Variants in FNDC3B observed in about 807,000 individuals in gnomAD.
FNDC3B encodes the protein fibronectin type III domain containing 3B.
FNDC3B carries 12 observed loss-of-function variants against 151.5 expected under a neutral mutation model. The ratio of observed to expected loss-of-function variants is 0.08; its 90% confidence interval spans 0.05 to 0.13. FNDC3B has a LOEUF of 0.13. Among genes scored for constraint, FNDC3B ranks in the 10% least tolerant of loss-of-function variants. The probability of loss-of-function intolerance (pLI) is 1.00; values close to 1 mark genes in which losing one functional copy is unlikely to be tolerated. For synonymous variants in FNDC3B, 528 were observed against 549.0 expected (o/e 0.96, Z 0.54); for missense variants, 1,214 against 1,505.3 (o/e 0.81, Z 3.20).
At chr3:172,181,452 C>G (rs1723901034) in intron 3 of FNDC3B, among the ~76,000 whole-genome samples, 1 of 147,120 alleles carries the variant, frequency 6.8e-6, no homozygotes, top group African/African-American at 2.5e-5. Flanking sequence ...GTCTTGTGGT[C>G]AAGTAGAATG....
intron 5 of FNDC3B, 115 bp from the exon 6 acceptor site, chr3:172,251,145 C>T: frequency 1.2e-6 from 1 of 832,728 alleles, no homozygotes; most frequent in Non-Finnish European, 1.9e-6. Flanking sequence ...TTTAGTAATA[C>T]TTTAGACTTC....
rs1031367066 is a variant in FNDC3B, at chr3:172,400,547, T to A, written c.*3072T>A. ...AAATCATGTTTTCCTGTATTGTAAA[T>A]TTTAGACTATTTCATATACATTGTA... is the stretch of plus-strand genomic sequence containing the variant. On this transcript the variant is annotated 3_prime_UTR_variant, in exon 26 of 26. Transcript: ENST00000415807. 2 of 152,638 alleles carry A rather than the reference T, an allele frequency of 1.3e-5. No homozygotes were observed. Among genetic ancestry groups the A allele is most frequent in the African/African-American group, 4.8e-5 (2 of 41,466 alleles). 9.5% of individuals were successfully genotyped at this position (152,638 alleles called of 1,614,324 possible).
chr3:172,050,700 C>CATGT (rs1175743914), intron 1 of FNDC3B, among the ~76,000 whole-genome samples: 1 of 144,994 alleles, frequency 6.9e-6, no homozygotes, highest in African/African-American at 2.6e-5. Context: ...GGTATATTTT[C>CATGT]GTGTGTGTGT....
At chr3:172,239,803 A>AT (rs1344079194) in intron 4 of FNDC3B, among the ~76,000 whole-genome samples, 1 of 148,946 alleles carries the variant, frequency 6.7e-6, no homozygotes, top group East Asian at 1.9e-4. Context: ...AAAAAAGCAA[A>AT]TAACAACAAC....
chr3:172,207,951 A>G (rs932163463), intron 3 of FNDC3B, among the ~76,000 whole-genome samples: 2 of 151,336 alleles, frequency 1.3e-5, no homozygotes, highest in Admixed American at 1.3e-4. Context: ...CCACCTCAAA[A>G]AATAAAAAAA....
intron 4 of FNDC3B, among the ~76,000 whole-genome samples, chr3:172,230,852 T>C (rs1276271454): frequency 2.6e-5 from 4 of 152,246 alleles, no homozygotes; most frequent in Admixed American, 1.3e-4. Context: ...GAATACACTG[T>C]ATGTGTTAAT....
chr3:172,338,503 C>T (rs2108300870), intron 16 of FNDC3B, among the ~76,000 whole-genome samples: 1 of 152,144 alleles, frequency 6.6e-6, no homozygotes, highest in South Asian at 2.1e-4. Flanking sequence ...GTCTTTCCAA[C>T]TTCATTGTCA....
At chr3:172,214,417 T>C (rs1187393267) in intron 3 of FNDC3B, among the ~76,000 whole-genome samples, 1 of 152,198 alleles carries the variant, frequency 6.6e-6, no homozygotes, top group Non-Finnish European at 1.5e-5. Context: ...CAAGACACTT[T>C]TGTAAAGTTA....
rs370815165 is a variant in FNDC3B at position 172,247,608 on chromosome 3, C to G, written c.340C>G (p.Pro114Ala). 1 of 1,614,092 alleles carries G rather than the reference C, an allele frequency of 6.2e-7. No individual in the cohort carries two copies. Among genetic ancestry groups the G allele is most frequent in the Non-Finnish European group, 8.5e-7 (1 of 1,180,000 alleles). ...QSPECYPPSY[P>A]SAMSPTHHLP... Reference sequence around the variant, plus strand: ...TCCTGAGTGTTATCCCCCAAGCTACCCCTCAGCCATGTCTCCAACCCATCA... The same window carrying G: ...TCCTGAGTGTTATCCCCCAAGCTACGCCTCAGCCATGTCTCCAACCCATCA... The change falls in exon 5 of 26, where the codon CCC becomes GCC. Residue 114 changes from proline to alanine, a missense_variant. Transcript: ENST00000415807.
chr3:172,203,897 A>G (rs535997735), intron 3 of FNDC3B, among the ~76,000 whole-genome samples: 7 of 152,290 alleles, frequency 4.6e-5, no homozygotes, highest in African/African-American at 1.7e-4. Flanking sequence ...CATAGCTTCT[A>G]AGAAAGCCGT....
intron 3 of FNDC3B, among the ~76,000 whole-genome samples, chr3:172,179,147 C>T (rs952572256): frequency 2.0e-5 from 3 of 152,042 alleles, no homozygotes; most frequent in East Asian, 1.9e-4. Context: ...CTGCAAAGTC[C>T]GCCTCCCAGG....
intron 3 of FNDC3B, among the ~76,000 whole-genome samples, chr3:172,218,771 A>G (rs374294367): frequency 1.3e-5 from 2 of 152,304 alleles, no homozygotes; most frequent in African/African-American, 2.4e-5. Context: ...TGCAAACTCA[A>G]GCCTCTTTAG....
At chr3:172,156,198 T>C (rs548567553) in intron 3 of FNDC3B, among the ~76,000 whole-genome samples, 1 of 152,242 alleles carries the variant, frequency 6.6e-6, no homozygotes, top group Non-Finnish European at 1.5e-5. Context: ...TCTCTTTGCC[T>C]TATTAAAAAA....
intron 3 of FNDC3B, among the ~76,000 whole-genome samples, chr3:172,140,898 A>C (rs1721594101): frequency 6.6e-6 from 1 of 152,214 alleles, no homozygotes; most frequent in South Asian, 2.1e-4. Flanking sequence ...AAACCCTTAG[A>C]TAAAACTGTC....
At chr3:172,166,742 G>A (rs974069779) in intron 3 of FNDC3B, among the ~76,000 whole-genome samples, 2 of 147,212 alleles carry the variant, frequency 1.4e-5, no homozygotes, top group African/African-American at 2.5e-5. Flanking sequence ...TTACAGCCTG[G>A]GCAACATAGG....
chr3:172,322,491 T>C lies in FNDC3B; in HGVS notation c.1255-6461T>C, dbSNP rs73035114. Among the ~76,000 whole-genome samples the C allele has an allele frequency of 3.2e-3, 487 of 152,340 alleles. 3 individuals are homozygous for C. The highest frequency in any genetic ancestry group is 0.011 in the African/African-American group (458 of 41,580). On this transcript the variant is annotated intron_variant, in intron 11 of 25. Transcript: ENST00000415807. ...CATAGACTTAGACTTTGTTTCTCAA[T>C]GGATAGGGAATCACAGAATTTTTAG...
chr3:172,118,623 G>A (rs995486088), intron 2 of FNDC3B, among the ~76,000 whole-genome samples: 1 of 152,214 alleles, frequency 6.6e-6, no homozygotes, highest in African/African-American at 2.4e-5. Context: ...CCTGTTATGG[G>A]CTGGGACTTG....
chr3:172,154,663 C>T (rs1334089368), intron 3 of FNDC3B, among the ~76,000 whole-genome samples: 1 of 152,126 alleles, frequency 6.6e-6, no homozygotes, highest in East Asian at 1.9e-4. Context: ...AAACTCTTCC[C>T]CTGACCATTC....
At chr3:172,119,710 C>T (rs13059524) in intron 2 of FNDC3B, among the ~76,000 whole-genome samples, 8,952 of 152,230 alleles carry the variant, frequency 0.059, 346 homozygotes, top group Non-Finnish European at 0.088. Context: ...TCTGCATAGT[C>T]GGTGATCTCT....
Sources: gnomAD v4.1 joint callset for allele counts (sites outside exome capture counted in the v4.1 genomes callset) on GRCh38, gnomAD v4.1.1 for gene constraint, MANE v1.5 for transcripts, NCBI Gene and HGNC (gene_info 2026-07-23, HGNC 2026-07-21) for gene names.